The following CRACD variants were observed in gnomAD, a reference collection of about 807,000 sequenced individuals.
CRACD encodes capping protein-inhibiting regulator of actin dynamics.
Under a neutral mutation model 106.8 loss-of-function variants are expected in CRACD, and 56 were observed. The observed-to-expected ratio is 0.52, with a 90% CI of 0.42 to 0.66. CRACD has a LOEUF of 0.66. CRACD is among the 30% of genes least tolerant of loss of function. The pLI, the probability that CRACD is intolerant of heterozygous loss-of-function variation, is 0.00. For synonymous variants in CRACD, 754 were observed against 670.8 expected, an observed-to-expected ratio of 1.12 and a Z score of -1.92; for missense variants, 1,730 against 1,623.2, an observed-to-expected ratio of 1.07 and a Z score of -1.13.
At chr4:56,116,655 C>G (rs190956224) in intron 1 of CRACD, among the ~76,000 whole-genome samples, 67 of 152,290 alleles carry the variant, frequency 4.4e-4, no homozygotes, top group African/African-American at 1.5e-3. Context: ...ATGTAAGTGA[C>G]ATAGTGCATC....
At chr4:56,223,151 C>G (rs1739136942) in intron 2 of CRACD, among the ~76,000 whole-genome samples, 1 of 151,322 alleles carries the variant, frequency 6.6e-6, no homozygotes. Flanking sequence ...AGCACCTGAA[C>G]TAAGGCAGTG....
chr4:56,198,840 T>C (rs1737744203), intron 2 of CRACD, among the ~76,000 whole-genome samples: 1 of 152,148 alleles, frequency 6.6e-6, no homozygotes, highest in South Asian at 2.1e-4. Flanking sequence ...GTATTAACGT[T>C]AGAGGGGGGA....
Position 56,295,921 on chromosome 4 carries a change from A to T in CRACD, c.-16-2293A>T, listed in dbSNP as rs955296256. Among the ~76,000 whole-genome samples, 3 of 152,034 alleles carry T rather than the reference A, an allele frequency of 2.0e-5. No individual in the cohort carries two copies. The East Asian group carries it at 5.8e-4, about 29-fold the overall frequency. Reference sequence around the variant, plus strand: ...GGTCCCAGGTTCTTTGAGGACAGGGAGATCATAACATATTAATCTCCCTGC... The same window carrying T: ...GGTCCCAGGTTCTTTGAGGACAGGGTGATCATAACATATTAATCTCCCTGC... On this transcript the variant is annotated intron_variant, in intron 3 of 10. Transcript: ENST00000682029.
chr4:56,156,051 C>T (rs1288787498), intron 1 of CRACD, among the ~76,000 whole-genome samples: 1 of 152,172 alleles, frequency 6.6e-6, no homozygotes, highest in Non-Finnish European at 1.5e-5. Context: ...GCAACCTCCA[C>T]CTCCTGGGTT....
intron 1 of CRACD, among the ~76,000 whole-genome samples, chr4:56,110,125 G>A (rs1035120415): frequency 1.3e-5 from 2 of 152,168 alleles, no homozygotes; most frequent in Non-Finnish European, 2.9e-5. Context: ...CATACCCAAA[G>A]TTAAGAATCA....
Position 56,314,563 on chromosome 4 carries a change from G to A in CRACD, c.1061G>A (p.Cys354Tyr). Residue 354 changes from cysteine to tyrosine, a missense_variant, in exon 8 of 11, where the codon TGC (cysteine) becomes TAC (tyrosine). Cys to Tyr is a radical substitution (Grantham distance 194). Coordinates refer to ENST00000682029, the MANE Select transcript of CRACD (RefSeq NM_001393381.1). The surrounding 1 kb of genome is among the most constrained non-coding windows in gnomAD (Gnocchi z 4.4). ...RRRQEEEEGR[C>Y]AEELKRQEEE... The stretch of plus-strand genomic sequence containing the variant: ...CGGCAGGAGGAGGAGGAAGGAAGAT[G>A]CGCGGAGGAGCTCAAAAGGCAGGAG... 4 of 1,511,506 alleles carry A rather than the reference G, an allele frequency of 2.6e-6. No individual in the cohort carries two copies. The South Asian group carries it at 3.9e-5, about 15-fold the overall frequency. The allele number at this position is 1,511,506 out of a possible 1,614,324, so 93.6% of individuals were successfully genotyped here.
chr4:56,308,298 CCAGCACCATCCTGTCTAAATT>C (rs1248209791), intron 5 of CRACD, among the ~76,000 whole-genome samples: 2 of 10,980 alleles, frequency 1.8e-4, no homozygotes, highest in East Asian at 2.0e-3. Context: ...AAGTCACATT[CCAGCACCATCCTGTCTAAATT>C]TGATCTCTTG....
At position 56,157,089 on chromosome 4, in the gene CRACD, C is replaced by A. The variant is rs192986295; in HGVS notation, c.-335-22195C>A. On this transcript the variant is annotated intron_variant, in intron 1 of 10. Transcript: ENST00000682029. ...AAAGAATGAAATTATATAATGAATG[C>A]TTTTATTAAAGTATGGTAAATATTG... Among the ~76,000 whole-genome samples the A allele has an allele frequency of 3.5e-3, 535 of 152,236 alleles. 4 individuals are homozygous for A. The highest frequency in any genetic ancestry group is 0.012 in the African/African-American group (506 of 41,522).
chr4:56,164,098 G>A lies in CRACD; in HGVS notation c.-335-15186G>A, dbSNP rs568181434. Among the ~76,000 whole-genome samples the A allele has an allele frequency of 1.4e-4, 22 of 151,734 alleles. No homozygotes were observed. The South Asian group carries it at 4.4e-3, about 30-fold the overall frequency. ...GTAGAGCTTCTGTAAAAATAGACGG[G>A]AAGTTTCAGACATATACTTTTGCTG... On this transcript the variant is annotated intron_variant, in intron 1 of 10. Transcript: ENST00000682029.
chr4:56,089,234 A>G (rs1002757374), intron 1 of CRACD, among the ~76,000 whole-genome samples: 1 of 152,338 alleles, frequency 6.6e-6, no homozygotes, highest in African/African-American at 2.4e-5. Context: ...AAATTGGGTC[A>G]CTTTGTTAGT....
chr4:56,245,781 C>T (rs1740646829), intron 2 of CRACD, among the ~76,000 whole-genome samples: 2 of 152,152 alleles, frequency 1.3e-5, no homozygotes, highest in African/African-American at 4.8e-5. Context: ...ACTCAGTCCC[C>T]TATTGCCCTT....
chr4:56,217,273 C>T lies in CRACD; in HGVS notation c.-189+37843C>T, dbSNP rs575787872. ...TCAATCAATTTAGAAGTTTATTTTG[C>T]CAAGGTTAAGGACATACTCATGACA... On this transcript the variant is annotated intron_variant, in intron 2 of 10. Transcript: ENST00000682029. Among the ~76,000 whole-genome samples, 18 of 152,258 alleles carry T rather than the reference C, an allele frequency of 1.2e-4. No homozygotes were observed. The East Asian group carries it at 3.1e-3, about 26-fold the overall frequency.
intron 2 of CRACD, among the ~76,000 whole-genome samples, chr4:56,242,252 G>A (rs1000402781): frequency 7.2e-5 from 11 of 152,066 alleles, no homozygotes; most frequent in Non-Finnish European, 1.0e-4. Flanking sequence ...TTACTTTGTG[G>A]AGATCATGAG....
intron 1 of CRACD, among the ~76,000 whole-genome samples, chr4:56,160,931 C>A (rs557539701): frequency 6.6e-6 from 1 of 152,276 alleles, no homozygotes; most frequent in Admixed American, 6.5e-5. Context: ...TTATCTTGAA[C>A]CTGTTCACCA....
chr4:56,068,418 C>T (rs552634002), intron 1 of CRACD, among the ~76,000 whole-genome samples: 1 of 152,240 alleles, frequency 6.6e-6, no homozygotes, highest in African/African-American at 2.4e-5. Context: ...CCTGGAGGGC[C>T]ATCAGAAGGA....
At chr4:56,257,079 C>CTTT (rs566765737) in intron 2 of CRACD, among the ~76,000 whole-genome samples, 44 of 114,500 alleles carry the variant, frequency 3.8e-4, no homozygotes, top group African/African-American at 4.9e-4. Flanking sequence ...TTTTGATGTT[C>CTTT]TTTTTTTTTT....
At chr4:56,225,620 G>C (rs1739262069) in intron 2 of CRACD, among the ~76,000 whole-genome samples, 1 of 151,850 alleles carries the variant, frequency 6.6e-6, no homozygotes, top group African/African-American at 2.4e-5. Flanking sequence ...TTGAGTCTTA[G>C]GGGTGCCTAA....
intron 2 of CRACD, among the ~76,000 whole-genome samples, chr4:56,269,536 G>A (rs1432142105): frequency 6.6e-6 from 1 of 151,358 alleles, no homozygotes; most frequent in East Asian, 1.9e-4. Flanking sequence ...GGCAAAAGCA[G>A]GAGCAAGGTC....
At chr4:56,174,775 A>G (rs571566321) in intron 1 of CRACD, among the ~76,000 whole-genome samples, 3 of 152,310 alleles carry the variant, frequency 2.0e-5, no homozygotes, top group African/African-American at 7.2e-5. Context: ...CTGTTTTCAC[A>G]CTGATATAAA....
Sources: allele counts gnomAD v4.1 joint callset (sites outside exome capture counted in the v4.1 genomes callset), GRCh38; gene constraint gnomAD v4.1.1; non-coding constraint Gnocchi (gnomAD v3.1); transcripts MANE v1.5; gene names NCBI Gene and HGNC (gene_info 2026-07-23, HGNC 2026-07-21).